Variants in SMG5 observed in about 807,000 individuals in gnomAD.
The protein encoded by SMG5 is nonsense-mediated mRNA decay factor SMG5.
Under a neutral mutation model 122.9 loss-of-function variants are expected in SMG5, and 53 were observed. The ratio of observed to expected loss-of-function variants is 0.43; its 90% CI spans 0.35 to 0.54. The LOEUF (loss-of-function observed/expected upper bound fraction) is 0.54, where lower values mean the gene tolerates loss of function less well. SMG5 is among the 20% of genes least tolerant of loss of function. The pLI is 0.01. For missense variants in SMG5, 1,153 were observed against 1,285.6 expected (o/e 0.90, Z 1.58); for synonymous variants, 477 against 490.2 (o/e 0.97, Z 0.35).
At chr1:156,268,705 T>C (rs1173048225) in intron 7 of SMG5, among the ~76,000 whole-genome samples, 1 of 152,230 alleles carries the variant, frequency 6.6e-6, no homozygotes, top group Admixed American at 6.5e-5. Context: ...TGAAATACAC[T>C]ATCCTTCATC....
At chr1:156,285,322 G>A (rs1434941567), upstream of SMG5, 2 of 1,573,380 alleles carry the variant, frequency 1.3e-6, no homozygotes, top group Admixed American at 1.9e-5. Flanking sequence ...ATGGCCGGCA[G>A]CCAGAAGGGG....
At chr1:156,256,904 T>C (rs1165496698) in intron 16 of SMG5, among the ~76,000 whole-genome samples, 1 of 151,316 alleles carries the variant, frequency 6.6e-6, no homozygotes, top group African/African-American at 2.4e-5. Flanking sequence ...TTCCTTTGTC[T>C]TTCTACATTT....
At chr1:156,266,802 T>A (rs1662173394) in intron 10 of SMG5, 124 bp from the exon 11 acceptor site, 29 of 112,522 alleles carry the variant, frequency 2.6e-4, no homozygotes, top group Non-Finnish European at 4.1e-4. Flanking sequence ...TCAAAGATTC[T>A]TTTTTTTTTT....
At chr1:156,273,718 C>G (rs571271397) in intron 5 of SMG5, among the ~76,000 whole-genome samples, 77 of 116,310 alleles carry the variant, frequency 6.6e-4, no homozygotes, top group African/African-American at 2.5e-3. Context: ...GTTTTGTTTT[C>G]TTTTTTTTTT....
chr1:156,267,202 G>GT (rs1662190060), intron 10 of SMG5, among the ~76,000 whole-genome samples: 2 of 152,318 alleles, frequency 1.3e-5, no homozygotes, highest in South Asian at 4.1e-4. Context: ...CCTGACCCTT[G>GT]TGTCTGCACA....
chr1:156,275,131 T>TAAAAAAAAAAAAAAA, intron 4 of SMG5, among the ~76,000 whole-genome samples: 1 of 86,886 alleles, frequency 1.2e-5, no homozygotes, highest in Non-Finnish European at 2.2e-5. Flanking sequence ...TGACGCCAAT[T>TAAAAAAAAAAAAAAA]AAAAAAAAAA....
intron 17 of SMG5, 73 bp downstream of exon 17, chr1:156,253,376 G>C: frequency 2.7e-6 from 4 of 1,477,426 alleles, no homozygotes; most frequent in Non-Finnish European, 3.8e-6. Context: ...AGCGGAAGGG[G>C]GAGACCTGCC....
chr1:156,289,516 G>T, the SMG5 span, among the ~76,000 whole-genome samples: 1 of 152,224 alleles, frequency 6.6e-6, no homozygotes, highest in Non-Finnish European at 1.5e-5. Flanking sequence ...GGAGGCTGAG[G>T]CAGGAGAATG....
chr1:156,278,959 T>C lies in SMG5; in HGVS notation c.150A>G (p.Pro50=). 1 of 1,614,190 alleles carries C rather than the reference T, an allele frequency of 6.2e-7. No homozygotes were observed. ...NKTAYQEVFK[P]ENISLRNKLR... is the part of the protein sequence containing the mutation. The stretch of plus-strand genomic sequence containing the variant: ...ACTTGTTCCTCAGGCTAATGTTTTC[T>C]GGTTTGAATACTTCTTGATAAGCAG... Residue 50 remains proline (P), a synonymous_variant, in exon 2 of 22, where the codon CCA becomes CCG. Transcript: ENST00000361813.
chr1:156,274,512 A>ACTGTAATGGG, intron 5 of SMG5, 85 bp downstream of exon 5: 1 of 1,225,834 alleles, frequency 8.2e-7, no homozygotes, highest in South Asian at 1.2e-5. Context: ...CTCTCCAACC[A>ACTGTAATGGG]TGTAATGGGT....
chr1:156,274,813 CAG>C, intron 4 of SMG5, 127 bp from the exon 5 acceptor site: 1 of 702,824 alleles, frequency 1.4e-6, no homozygotes, highest in Non-Finnish European at 2.5e-6. Flanking sequence ...TCTTTCAGGG[CAG>C]AGACACACTC....
At chr1:156,287,726 C>T (rs998475417), upstream of SMG5, among the ~76,000 whole-genome samples, 7 of 151,230 alleles carry the variant, frequency 4.6e-5, no homozygotes, top group African/African-American at 1.7e-4. Context: ...AAGCGATTCT[C>T]CTGCCTCAGC....
rs368912540 is a variant in SMG5, at chr1:156,266,085, A to G, written c.1551T>C (p.Asn517=). 1.4e-5 allele frequency: 23 copies of G among 1,613,784 alleles called. No individual in the cohort carries two copies. In the South Asian group the frequency reaches 1.6e-4, roughly 12 times the overall value. Reference sequence around the variant, plus strand: ...CCAAGTCTGATCGGGACTCCTGGCTATTCATTTCCGAGTCTGTTTCAGCAT... The same window carrying G: ...CCAAGTCTGATCGGGACTCCTGGCTGTTCATTTCCGAGTCTGTTTCAGCAT... ...AFDAETDSEM[N]SQESRSDLED... The change falls in exon 12 of 22, where the codon AAT becomes AAC. Residue 517 remains asparagine (N), a synonymous_variant. Coordinates refer to ENST00000361813, the MANE Select transcript of SMG5 (RefSeq NM_015327.3).
intron 2 of SMG5, 141 bp from the exon 3 acceptor site, chr1:156,278,189 C>A: frequency 9.7e-7 from 1 of 1,030,024 alleles, no homozygotes; most frequent in Non-Finnish European, 1.4e-6. Flanking sequence ...TCAATATGAC[C>A]CAGCACAACA....
chr1:156,282,503 C>T, intron 1 of SMG5, 104 bp downstream of exon 1: 2 of 1,291,700 alleles, frequency 1.5e-6, no homozygotes, highest in Non-Finnish European at 2.1e-6. Context: ...CTTCCTCACC[C>T]GCACCTCACC....
chr1:156,283,085 C>G (rs1032156057), upstream of SMG5: 30 of 391,710 alleles, frequency 7.7e-5, no homozygotes, highest in Middle Eastern at 1.9e-3. Flanking sequence ...CAGCTAGGAG[C>G]GTGACTGCTT....
chr1:156,264,198 G>A, intron 12 of SMG5, among the ~76,000 whole-genome samples: 1 of 149,594 alleles, frequency 6.7e-6, no homozygotes, highest in Non-Finnish European at 1.5e-5. Flanking sequence ...AACCCGGGAG[G>A]TGGAGGTTGC....
rs368616776 is a variant in SMG5, at chr1:156,277,290, C to T, written c.298-49G>A. The T allele has an allele frequency of 4.8e-5, 76 of 1,578,974 alleles. 1 individual carries two copies. Among genetic ancestry groups the T allele is most frequent in the South Asian group, 9.3e-5 (8 of 85,980 alleles). Reference sequence around the variant, plus strand: ...GCTGGTTAAGCAATAAACTCAGAGTCGCACTCACCCTCCCTTACCCTGTTC... The same window carrying T: ...GCTGGTTAAGCAATAAACTCAGAGTTGCACTCACCCTCCCTTACCCTGTTC... On this transcript the variant is annotated intron_variant, in intron 3 of 21. Coordinates refer to ENST00000361813, the MANE Select transcript of SMG5 (RefSeq NM_015327.3).
chr1:156,251,593 GTC>G (rs1661360519), intron 19 of SMG5, 116 bp from the exon 20 acceptor site: 2 of 975,788 alleles, frequency 2.0e-6, no homozygotes, highest in African/African-American at 1.6e-5. Context: ...TGGGGAACAT[GTC>G]TCTCCCACCA....
Sources: allele counts gnomAD v4.1 joint callset (sites outside exome capture counted in the v4.1 genomes callset), GRCh38; gene constraint gnomAD v4.1.1; transcripts MANE v1.5; gene names NCBI Gene and HGNC (gene_info 2026-07-23, HGNC 2026-07-21).